ATM: variants seen among roughly 807,000 people sequenced by gnomAD.
ATM encodes the protein serine-protein kinase ATM.
ATM carries 308 observed loss-of-function variants against 387.0 expected under a neutral mutation model. That is an observed-to-expected ratio of 0.80 (90% CI 0.73 to 0.87). The LOEUF is 0.87. Ranked by LOEUF, ATM falls within the 40% of genes least tolerant of loss-of-function variation. The pLI, the probability that ATM is intolerant of heterozygous loss-of-function variation, is 0.00. For synonymous variants in ATM, 1,156 were observed against 1,187.3 expected, an observed-to-expected ratio of 0.97 and a Z score of 0.54; for missense variants, 3,312 against 3,560.9, an observed-to-expected ratio of 0.93 and a Z score of 1.78.
chr11:108,257,946 C>CCAGCAGCCTCGACCTCCTGGGCTCA (rs1435305361), intron 15 of ATM, among the ~76,000 whole-genome samples: 5 of 152,010 alleles, frequency 3.3e-5, no homozygotes, highest in Admixed American at 2.0e-4. Flanking sequence ...TCACTGCGAT[C>CCAGCAGCCTCGACCTCCTGGGCTCA]CAGCAGCCTC....
intron 8 of ATM, 82 bp from the exon 9 acceptor site, chr11:108,248,851 C>A (rs2135287173): frequency 1.6e-6 from 2 of 1,223,104 alleles, no homozygotes; most frequent in Non-Finnish European, 2.3e-6. Context: ...TCGTGCTGTT[C>A]CACTCCAACC....
At position 108,310,323 on chromosome 11, in the gene ATM, A is replaced by T. The variant is rs1401825950; in HGVS notation, c.5918+8A>T. 1 of 1,611,458 alleles carries T rather than the reference A, an allele frequency of 6.2e-7. No individual in the cohort carries two copies. The highest frequency in any genetic ancestry group is 2.2e-5 in the East Asian group (1 of 44,754). ...GGATGATCAAGAGAAAAGGTAATGG[A>T]ATTTAGAATTTTTGGTTTTTAAAAT... On this transcript the variant is annotated splice_region_variant and intron_variant, in intron 39 of 62. Coordinates refer to ENST00000675843, the MANE Select transcript of ATM (RefSeq NM_000051.4).
chr11:108,268,604 C>T lies in ATM; in HGVS notation c.2833C>T (p.His945Tyr), dbSNP rs2081396911. ...AGAACCTACCAAATCCCTCCACCTG[C>T]ATATGGTGAGTTACGTTAAATGAAG... Reference protein sequence around the residue: ...TLEPTKSLHLHMYLMLLKELP... With the variant: ...TLEPTKSLHLYMYLMLLKELP... The change falls in exon 18 of 63, where the codon CAT (histidine) becomes TAT (tyrosine). Residue 945 changes from histidine (H) to tyrosine (Y), a missense_variant. Physicochemically the swap from His to Tyr is moderately conservative, Grantham distance 83 (BLOSUM62 2). Transcript: ENST00000675843. 6.2e-7 allele frequency: 1 copy of T among 1,613,654 alleles called. No individual in the cohort carries two copies. The highest frequency in any genetic ancestry group is 1.1e-5 in the South Asian group (1 of 91,082).
At chr11:108,326,026 GTATT>G in intron 46 of ATM, 28 bp from the exon 47 acceptor site, 1 of 1,608,312 alleles carries the variant, frequency 6.2e-7, no homozygotes, top group Non-Finnish European at 8.5e-7. Flanking sequence ...AGTAGTAAAA[GTATT>G]TATTCCCATA....
At position 108,368,189 on chromosome 11, in the gene ATM, T is replaced by A. The variant is rs1157176514; in HGVS notation, c.*2681T>A. The A allele has an allele frequency of 1.5e-5, 3 of 205,832 alleles. No individual in the cohort carries two copies. Among genetic ancestry groups the A allele is most frequent in the African/African-American group, 6.9e-5 (3 of 43,646 alleles). 12.8% of individuals were successfully genotyped at this position (205,832 alleles called of 1,614,324 possible). A position where few individuals can be genotyped will look rare whatever the true frequency, so the allele number is the denominator to read the frequency against. On this transcript the variant is annotated 3_prime_UTR_variant, in exon 63 of 63. Coordinates refer to ENST00000675843, the MANE Select transcript of ATM (RefSeq NM_000051.4). ...CTAGGAGAAATAACTAATTCACAGA[T>A]GACAGAATTAAGATTATAAAAGATT...
rs553155942 is a variant in ATM, at chr11:108,271,046, T to C, written c.2839-18T>C. On this transcript the variant is annotated intron_variant, in intron 18 of 62. Coordinates refer to ENST00000675843, the MANE Select transcript of ATM (RefSeq NM_000051.4). ...GATTTGTGGATAAACCTGATTTTTT[T>C]CCCTCCTACCATCTTAGTATCTAAT... 1.5e-5 allele frequency: 24 copies of C among 1,604,818 alleles called. No individual in the cohort carries two copies. In the African/African-American group the frequency reaches 2.5e-4, roughly 17 times the overall value.
chr11:108,296,741 C>T (rs1156981129), intron 32 of ATM, among the ~76,000 whole-genome samples: 2 of 152,180 alleles, frequency 1.3e-5, no homozygotes, highest in Non-Finnish European at 2.9e-5. Context: ...TTGTGCATTA[C>T]AGCCACTAGC....
At chr11:108,275,226 C>T (rs2081874201) in intron 22 of ATM, among the ~76,000 whole-genome samples, 1 of 152,128 alleles carries the variant, frequency 6.6e-6, no homozygotes, top group Non-Finnish European at 1.5e-5. Flanking sequence ...AATATTCCTC[C>T]ACCCCTTTAT....
intron 61 of ATM, among the ~76,000 whole-genome samples, chr11:108,357,441 C>G (rs1565589295): frequency 6.6e-6 from 1 of 152,230 alleles, no homozygotes. Context: ...GTGGAACCCA[C>G]CACAGCTCAA....
rs2080098243 is a variant in ATM at position 108,250,807 on chromosome 11, C to G, written c.1342C>G (p.His448Asp). 3.7e-6 allele frequency: 6 copies of G among 1,613,932 alleles called. No individual in the cohort carries two copies. Among genetic ancestry groups the G allele is most frequent in the Non-Finnish European group, 5.1e-6 (6 of 1,180,016 alleles). Residue 448 changes from histidine (H) to aspartate (D), a missense_variant, in exon 10 of 63, where the codon CAT becomes GAT. Transcript: ENST00000675843. ...ILSQLLPQQR[H>D]GERTPYVLRC... is the part of the protein sequence containing the mutation. ...ATCTCAGCTTCTACCCCAACAGCGA[C>G]ATGGGGAACGTACACCATATGTGTT...
intron 22 of ATM, among the ~76,000 whole-genome samples, chr11:108,275,528 C>T (rs2081894590): frequency 6.6e-6 from 1 of 152,156 alleles, no homozygotes; most frequent in African/African-American, 2.4e-5. Flanking sequence ...TTTAGTGCTA[C>T]CTTCAGGAGC....
In ATM at chr11:108,304,707, A is replaced by T. The variant is rs750037588; in HGVS notation, c.5529A>T (p.Pro1843=). Residue 1843 remains proline, a synonymous_variant, in exon 37 of 63, where the codon CCA becomes CCT. Transcript: ENST00000675843. Reference sequence around the variant, plus strand: ...CTGACTTTTGTCAGACTGTACTTCCATACTTGATTCATGATATTTTACTCC... The same window carrying T: ...CTGACTTTTGTCAGACTGTACTTCCTTACTTGATTCATGATATTTTACTCC... ...VKTDFCQTVL[P]YLIHDILLQD... 2 of 1,613,994 alleles carry T rather than the reference A, an allele frequency of 1.2e-6. No homozygotes were observed. The highest frequency in any genetic ancestry group is 1.7e-6 in the Non-Finnish European group (2 of 1,179,950).
At chr11:108,363,072 C>T (rs1198027736) in intron 61 of ATM, among the ~76,000 whole-genome samples, 1 of 152,162 alleles carries the variant, frequency 6.6e-6, no homozygotes, top group African/African-American at 2.4e-5. Context: ...CCGAATTTCC[C>T]CAAATCATTT....
Position 108,369,009 on chromosome 11 carries a change from A to G in ATM, c.*3501A>G, listed in dbSNP as rs1247612959. 1 of 181,578 alleles carries G rather than the reference A, an allele frequency of 5.5e-6. No individual in the cohort carries two copies. The highest frequency in any genetic ancestry group is 1.2e-5 in the Non-Finnish European group (1 of 85,222). 11.2% of individuals were successfully genotyped at this position (181,578 alleles called of 1,614,324 possible). On this transcript the variant is annotated 3_prime_UTR_variant, in exon 63 of 63. Coordinates refer to ENST00000675843, the MANE Select transcript of ATM (RefSeq NM_000051.4). ...TAATTGCACCTTAATGAAATTATCT[A>G]TTTTCTATAGATTTTAGTACTATTG...
chr11:108,276,491 C>T (rs1023214008), intron 22 of ATM, among the ~76,000 whole-genome samples: 3 of 152,174 alleles, frequency 2.0e-5, no homozygotes, highest in South Asian at 4.1e-4. Flanking sequence ...TCCTCATCTT[C>T]GTGGATTTAT....
intron 26 of ATM, among the ~76,000 whole-genome samples, chr11:108,286,213 T>G (rs2082480867): frequency 6.9e-6 from 1 of 145,710 alleles, no homozygotes; most frequent in Non-Finnish European, 1.5e-5. Flanking sequence ...TTTGGGAAGC[T>G]GAGTCAGGAG....
chr11:108,297,411 T>G lies in ATM; in HGVS notation c.5005+29T>G, dbSNP rs967863288. 9 of 1,525,572 alleles carry G rather than the reference T, an allele frequency of 5.9e-6. No homozygotes were observed. In the Admixed American group the frequency reaches 8.3e-5, roughly 14 times the overall value. The allele number at this position is 1,525,572 out of a possible 1,614,324, so 94.5% of individuals were successfully genotyped here. A position where few individuals can be genotyped will look rare whatever the true frequency, so the allele number is the denominator to read the frequency against. ...AACTACAGTCATGCGCTGCGTGACA[T>G]TTCAGTCAACTGCGGATCACATATA... On this transcript the variant is annotated intron_variant, in intron 33 of 62. Transcript: ENST00000675843.
chr11:108,289,928 G>A (rs894290784), intron 29 of ATM, 127 bp downstream of exon 29: 2 of 820,256 alleles, frequency 2.4e-6, no homozygotes, highest in African/African-American at 1.7e-5. Flanking sequence ...TGCAGTCACG[G>A]CTCACTGCAT....
intron 53 of ATM, 73 bp downstream of exon 53, chr11:108,332,973 G>T: frequency 6.5e-7 from 1 of 1,530,726 alleles, no homozygotes; most frequent in Non-Finnish European, 8.9e-7. Context: ...TAGTTATAGA[G>T]CCTAATAAGT....
Sources: gnomAD v4.1 joint callset for allele counts (sites outside exome capture counted in the v4.1 genomes callset) on GRCh38, gnomAD v4.1.1 for gene constraint, MANE v1.5 for transcripts, NCBI Gene and HGNC (gene_info 2026-07-23, HGNC 2026-07-21) for gene names.